RLBP1: variants seen among roughly 807,000 people sequenced by gnomAD.
RLBP1 encodes the protein retinaldehyde-binding protein 1.
RLBP1 carries 26 observed loss-of-function variants against 36.2 expected under a neutral mutation model. The ratio of observed to expected loss-of-function variants is 0.72; its 90% CI spans 0.53 to 1.00. RLBP1 has a LOEUF of 1.00. Ranked by LOEUF, RLBP1 falls within the 50% of genes least tolerant of loss-of-function variation. RLBP1 has a pLI of 0.00. For synonymous variants in RLBP1, 155 were observed against 156.2 expected (o/e 0.99, Z 0.06); for missense variants, 410 against 402.4 (o/e 1.02, Z -0.16).
rs557154377 is a variant in RLBP1, at chr15:89,217,211, C to T, written c.255G>A (p.Ala85=). 63 of 1,613,458 alleles carry T rather than the reference C, an allele frequency of 3.9e-5. 1 individual carries two copies. In the East Asian group the frequency reaches 7.1e-4, roughly 18 times the overall value. ...ASGEELAVAV[A]ERVQEKDSGF... Reference sequence around the variant, plus strand: ...CGCTGTCCTTCTCTTGCACCCTCTCCGCCACGGCCACCGCCAGCTCCTCCC... The same window carrying T: ...CGCTGTCCTTCTCTTGCACCCTCTCTGCCACGGCCACCGCCAGCTCCTCCC... The change falls in exon 5 of 9, where the codon GCG becomes GCA. Residue 85 remains alanine (A), a synonymous_variant. Transcript: ENST00000268125.
chr15:89,210,643 G>A lies in RLBP1; in HGVS notation c.795+56C>T. 1 of 1,353,058 alleles carries A rather than the reference G, an allele frequency of 7.4e-7. No homozygotes were observed. Among genetic ancestry groups the A allele is most frequent in the Non-Finnish European group, 1.0e-6 (1 of 963,472 alleles). 83.8% of individuals were successfully genotyped at this position (1,353,058 alleles called of 1,614,324 possible). On this transcript the variant is annotated intron_variant, in intron 8 of 8. Coordinates refer to ENST00000268125, the MANE Select transcript of RLBP1 (RefSeq NM_000326.5). This position sits in a 1 kb window ranked among gnomAD's most constrained non-coding sequence, Gnocchi z 4.7. ...ATGGTAGAGTGTGAGGAGGGCTCAGGTGAGGCCCCACCCTCAGCCCTCTTG... is the reference window on the plus strand; with the variant it reads ...ATGGTAGAGTGTGAGGAGGGCTCAGATGAGGCCCCACCCTCAGCCCTCTTG...
rs186815886 is a variant in RLBP1, at chr15:89,214,731, C to T, written c.525+329G>A. On this transcript the variant is annotated intron_variant, in intron 6 of 8. Transcript: ENST00000268125. This position sits in a 1 kb window ranked among gnomAD's most constrained non-coding sequence, Gnocchi z 4.6. ...CCACTAATCCCTGTTCTCTCTGTTG[C>T]TCTCAGCATTTAGCATGTGGCAGGG... Among the ~76,000 whole-genome samples, 4 of 152,344 alleles carry T rather than the reference C, an allele frequency of 2.6e-5. No individual in the cohort carries two copies. Among genetic ancestry groups the T allele is most frequent in the Admixed American group, 2.6e-4 (4 of 15,308 alleles).
At chr15:89,219,379 G>T (rs2051608820) in intron 2 of RLBP1, among the ~76,000 whole-genome samples, 1 of 152,210 alleles carries the variant, frequency 6.6e-6, no homozygotes, top group Non-Finnish European at 1.5e-5. Flanking sequence ...AGGAAAAAAA[G>T]AATCTGGCTC....
rs1041523529 is a variant in RLBP1, at chr15:89,214,197, A to G, written c.525+863T>C. Among the ~76,000 whole-genome samples, 1 of 152,196 alleles carries G rather than the reference A, an allele frequency of 6.6e-6. No individual in the cohort carries two copies. The highest frequency in any genetic ancestry group is 1.5e-5 in the Non-Finnish European group (1 of 68,032). The stretch of plus-strand genomic sequence containing the variant: ...TAGTTTGGGCCAGGTGCGGTGTCTT[A>G]TGCCTGTAATCCCAGCACTTTGGGA... On this transcript the variant is annotated intron_variant, in intron 6 of 8. Transcript: ENST00000268125. This position sits in a 1 kb window ranked among gnomAD's most constrained non-coding sequence, Gnocchi z 4.6.
In RLBP1 at chr15:89,218,771, T is replaced by C; in HGVS notation, c.13-78A>G. The stretch of plus-strand genomic sequence containing the variant: ...CCAGGGAAATGGGCCTGCTCAGACC[T>C]TCAGTTCTTTTGCCCAAGGTCATTG... On this transcript the variant is annotated intron_variant, in intron 3 of 8. Transcript: ENST00000268125. The surrounding 1 kb of genome is among the most constrained non-coding windows in gnomAD (Gnocchi z 4.6). The C allele has an allele frequency of 6.2e-7, 1 of 1,602,750 alleles. No homozygotes were observed. Among genetic ancestry groups the C allele is most frequent in the South Asian group, 1.1e-5 (1 of 90,494 alleles).
chr15:89,217,239 G>T lies in RLBP1; in HGVS notation c.227C>A (p.Ser76Ter), dbSNP rs149742128. The change falls in exon 5 of 9, where the codon TCG (serine) becomes TAG (stop). Residue 76 changes from serine (S) to a stop codon, truncating the protein, a stop_gained. Coordinates refer to ENST00000268125, the MANE Select transcript of RLBP1 (RefSeq NM_000326.5). LOFTEE classifies it high-confidence loss of function. ...LQEMVQAQAASGEELAVAVAE... is the reference protein window; with the variant it reads ...LQEMVQAQAA ...CACGGCCACCGCCAGCTCCTCCCCC[G>T]AGGCCGCCTGCGCCTGCACCATCTC... 1.2e-6 allele frequency: 2 copies of T among 1,612,180 alleles called. No individual in the cohort carries two copies. Among genetic ancestry groups the T allele is most frequent in the South Asian group, 2.2e-5 (2 of 91,082 alleles).
Position 89,210,538 on chromosome 15 carries a change from A to G in RLBP1, c.796-95T>C. ...AGGGGCAGGAGGACAAAGCCCCATC[A>G]TGTGCAGTCTTTGCCTGGCGACACC... On this transcript the variant is annotated intron_variant, in intron 8 of 8. Transcript: ENST00000268125. The surrounding 1 kb of genome is among the most constrained non-coding windows in gnomAD (Gnocchi z 4.7). 6.9e-7 allele frequency: 1 copy of G among 1,445,308 alleles called. No individual in the cohort carries two copies. The highest frequency in any genetic ancestry group is 9.7e-7 in the Non-Finnish European group (1 of 1,032,418). 89.5% of individuals were successfully genotyped at this position (1,445,308 alleles called of 1,614,324 possible).
Position 89,211,441 on chromosome 15 carries a change from T to C in RLBP1, c.684+302A>G, listed in dbSNP as rs2051537354. Among the ~76,000 whole-genome samples the C allele has an allele frequency of 6.6e-6, 1 of 152,242 alleles. No homozygotes were observed. The highest frequency in any genetic ancestry group is 2.4e-5 in the African/African-American group (1 of 41,458). Reference sequence around the variant, plus strand: ...GGTTCAAGTCTGGCCTCTGCCGCTTTATTGCTGTGTGACCTCGAGATGTCT... The same window carrying C: ...GGTTCAAGTCTGGCCTCTGCCGCTTCATTGCTGTGTGACCTCGAGATGTCT... On this transcript the variant is annotated intron_variant, in intron 7 of 8. Coordinates refer to ENST00000268125, the MANE Select transcript of RLBP1 (RefSeq NM_000326.5). The surrounding 1 kb of genome is among the most constrained non-coding windows in gnomAD (Gnocchi z 5.8).
chr15:89,214,913 G>T lies in RLBP1; in HGVS notation c.525+147C>A. On this transcript the variant is annotated intron_variant, in intron 6 of 8. Coordinates refer to ENST00000268125, the MANE Select transcript of RLBP1 (RefSeq NM_000326.5). The surrounding 1 kb of genome is among the most constrained non-coding windows in gnomAD (Gnocchi z 4.6). Reference sequence around the variant, plus strand: ...ATCCTAGGAATTCTCTCCCTGCCTGGAAAGGGCTAGGTGGCAGGTGGCTGC... The same window carrying T: ...ATCCTAGGAATTCTCTCCCTGCCTGTAAAGGGCTAGGTGGCAGGTGGCTGC... The T allele has an allele frequency of 1.3e-6, 1 of 795,986 alleles. No individual in the cohort carries two copies. The highest frequency in any genetic ancestry group is 2.1e-6 in the Non-Finnish European group (1 of 481,486). 49.3% of individuals were successfully genotyped at this position (795,986 alleles called of 1,614,324 possible).
At chr15:89,216,280 G>GC (rs1567123477) in intron 5 of RLBP1, among the ~76,000 whole-genome samples, 1 of 151,640 alleles carries the variant, frequency 6.6e-6, no homozygotes, top group African/African-American at 2.4e-5. Flanking sequence ...GTCCACCAGT[G>GC]CCCAAGATTC....
Position 89,211,955 on chromosome 15 carries a change from C to T in RLBP1, c.526-54G>A. ...ATCTAACCCGCAACAATAATTAAGG[C>T]TTGAGGTCCTGAGGGGAGAGCTAAT... On this transcript the variant is annotated intron_variant, in intron 6 of 8. Coordinates refer to ENST00000268125, the MANE Select transcript of RLBP1 (RefSeq NM_000326.5). The surrounding 1 kb of genome is among the most constrained non-coding windows in gnomAD (Gnocchi z 5.8). 1.3e-6 allele frequency: 2 copies of T among 1,594,086 alleles called. No homozygotes were observed. The highest frequency in any genetic ancestry group is 1.1e-5 in the South Asian group (1 of 90,342).
rs2051606625 is a variant in RLBP1, at chr15:89,219,052, C to T, written c.-77G>A. The T allele has an allele frequency of 7.6e-6, 12 of 1,582,624 alleles. 1 individual carries two copies. The South Asian group carries it at 1.1e-4, about 15-fold the overall frequency. On this transcript the variant is annotated 5_prime_UTR_variant, in exon 3 of 9. Transcript: ENST00000268125. ...CTGTCCTGGCCTCTCCAGCCGGCCC[C>T]TTCCCTAGGATAGGAAGTCAGGGCT...
chr15:89,217,897 C>G (rs2051595338), intron 4 of RLBP1, among the ~76,000 whole-genome samples: 1 of 152,208 alleles, frequency 6.6e-6, no homozygotes, highest in African/African-American at 2.4e-5. Context: ...GAGAACTCCT[C>G]CGTGCGCCTC....
In RLBP1 at chr15:89,210,183, G is replaced by A; in HGVS notation, c.*102C>T. 2 of 1,390,246 alleles carry A rather than the reference G, an allele frequency of 1.4e-6. No homozygotes were observed. Among genetic ancestry groups the A allele is most frequent in the South Asian group, 2.3e-5 (2 of 85,978 alleles). 86.1% of individuals were successfully genotyped at this position (1,390,246 alleles called of 1,614,324 possible). A position where few individuals can be genotyped will look rare whatever the true frequency, so the allele number is the denominator to read the frequency against. The stretch of plus-strand genomic sequence containing the variant: ...ACTCGGGCTTAGGGAGTCTAAGGGG[G>A]GACCACAGTCATCTCAAGCAGCCCT... On this transcript the variant is annotated 3_prime_UTR_variant, in exon 9 of 9. Transcript: ENST00000268125. The surrounding 1 kb of genome is among the most constrained non-coding windows in gnomAD (Gnocchi z 4.7).
intron 6 of RLBP1, among the ~76,000 whole-genome samples, chr15:89,212,610 G>T (rs1001939444): frequency 7.9e-6 from 1 of 125,934 alleles, no homozygotes; most frequent in Non-Finnish European, 1.7e-5. Flanking sequence ...AAAGAAAAAT[G>T]TGTGTGTGTG....
In RLBP1 at chr15:89,210,605, A is replaced by G. The variant is rs1218975356; in HGVS notation, c.795+94T>C. On this transcript the variant is annotated intron_variant, in intron 8 of 8. Transcript: ENST00000268125. This position sits in a 1 kb window ranked among gnomAD's most constrained non-coding sequence, Gnocchi z 4.7. ...CATGTTGGGTGTCAGTGGGATCCACATAGCTCAGGACCATGGTAGAGTGTG... is the reference window on the plus strand; with the variant it reads ...CATGTTGGGTGTCAGTGGGATCCACGTAGCTCAGGACCATGGTAGAGTGTG... The G allele has an allele frequency of 1.6e-6, 2 of 1,240,588 alleles. No individual in the cohort carries two copies. The highest frequency in any genetic ancestry group is 2.3e-6 in the Non-Finnish European group (2 of 860,868). 76.8% of individuals were successfully genotyped at this position (1,240,588 alleles called of 1,614,324 possible). A position where few individuals can be genotyped will look rare whatever the true frequency, so the allele number is the denominator to read the frequency against.
intron 1 of RLBP1, among the ~76,000 whole-genome samples, chr15:89,221,261 G>A (rs1194836365): frequency 2.0e-5 from 3 of 152,016 alleles, no homozygotes; most frequent in Admixed American, 6.5e-5. Flanking sequence ...TGCCTGCCTC[G>A]GCCTCCCAAA....
Position 89,219,013 on chromosome 15 carries a change from G to A in RLBP1, c.-38C>T, listed in dbSNP as rs1003816532. On this transcript the variant is annotated 5_prime_UTR_variant, in exon 3 of 9. Transcript: ENST00000268125. Reference sequence around the variant, plus strand: ...AGACACAGAGTCCTTGGAAAAAGAAGGGATCTGCTTTCTCTGTCCTGGCCT... The same window carrying A: ...AGACACAGAGTCCTTGGAAAAAGAAAGGATCTGCTTTCTCTGTCCTGGCCT... The A allele has an allele frequency of 2.5e-6, 4 of 1,613,860 alleles. No individual in the cohort carries two copies. In the African/African-American group the frequency reaches 5.3e-5, roughly 22 times the overall value.
At chr15:89,215,919 C>T (rs2051576227) in intron 5 of RLBP1, among the ~76,000 whole-genome samples, 1 of 152,236 alleles carries the variant, frequency 6.6e-6, no homozygotes, top group Non-Finnish European at 1.5e-5. Flanking sequence ...CCACAGATAT[C>T]TCATTTCCTT....
Sources: allele counts gnomAD v4.1 joint callset (sites outside exome capture counted in the v4.1 genomes callset), GRCh38; gene constraint gnomAD v4.1.1; non-coding constraint Gnocchi (gnomAD v3.1); transcripts MANE v1.5; gene names NCBI Gene and HGNC (gene_info 2026-07-23, HGNC 2026-07-21).